Variants in ZNF516 observed in about 807,000 individuals in gnomAD.
ZNF516 encodes the protein zinc finger protein 516.
In ZNF516, 19 loss-of-function variants were observed where a neutral mutation model predicts 79.7. The observed-to-expected ratio is 0.24, with a 90% CI of 0.17 to 0.35. The LOEUF (loss-of-function observed/expected upper bound fraction) is 0.35, where lower values mean the gene tolerates loss of function less well. ZNF516 is among the 10% of genes least tolerant of loss of function. The pLI is 1.00. For synonymous variants in ZNF516, 877 were observed against 739.5 expected (o/e 1.19, Z -3.02); for missense variants, 1,678 against 1,679.5 (o/e 1.00, Z 0.02).
At chr18:76,410,739 G>A (rs1599045696) in intron 3 of ZNF516, among the ~76,000 whole-genome samples, 1 of 152,318 alleles carries the variant, frequency 6.6e-6, no homozygotes, top group African/African-American at 2.4e-5. Flanking sequence ...AGGAGAAAAA[G>A]AGAAATTTTA....
intron 3 of ZNF516, among the ~76,000 whole-genome samples, chr18:76,403,090 TATC>T (rs767542042): frequency 1.1e-4 from 16 of 152,198 alleles, no homozygotes; most frequent in Non-Finnish European, 1.8e-4. Flanking sequence ...TCATTTCCAT[TATC>T]ATCAATGGCT....
At chr18:76,428,750 G>A (rs945533878) in intron 3 of ZNF516, among the ~76,000 whole-genome samples, 1 of 152,258 alleles carries the variant, frequency 6.6e-6, no homozygotes, top group African/African-American at 2.4e-5. Context: ...AAACTCTCAG[G>A]AAGAGGTGAG....
At chr18:76,488,535 AG>A (rs962029837) in intron 1 of ZNF516, among the ~76,000 whole-genome samples, 2 of 59,052 alleles carry the variant, frequency 3.4e-5, no homozygotes, top group African/African-American at 5.2e-5. Context: ...GGGGAGGGGG[AG>A]GGGGAGGGAC....
intron 2 of ZNF516, among the ~76,000 whole-genome samples, chr18:76,448,869 C>T (rs1057280689): frequency 6.6e-6 from 1 of 152,156 alleles, no homozygotes; most frequent in African/African-American, 2.4e-5. Flanking sequence ...GCTGGCAGCG[C>T]ACCAGTAAGA....
chr18:76,427,552 C>A (rs2075611726), intron 3 of ZNF516, among the ~76,000 whole-genome samples: 1 of 152,090 alleles, frequency 6.6e-6, no homozygotes, highest in South Asian at 2.1e-4. Context: ...TGTAATGAAG[C>A]AAACTAGATT....
At chr18:76,405,409 G>A (rs1420239476) in intron 3 of ZNF516, among the ~76,000 whole-genome samples, 1 of 152,150 alleles carries the variant, frequency 6.6e-6, no homozygotes, top group African/African-American at 2.4e-5. Flanking sequence ...AGGACACTCA[G>A]GAAGGGCTCA....
chr18:76,437,706 CTCTAGATTACTTA>C (rs1354164928), intron 3 of ZNF516, among the ~76,000 whole-genome samples: 1 of 152,162 alleles, frequency 6.6e-6, no homozygotes, highest in East Asian at 1.9e-4. Flanking sequence ...TGTAAATCAT[CTCTAGATTACTTA>C]TAATAATGCA....
intron 6 of ZNF516, among the ~76,000 whole-genome samples, chr18:76,368,016 A>G (rs759526752): frequency 1.3e-5 from 2 of 152,212 alleles, no homozygotes; most frequent in African/African-American, 2.4e-5. Context: ...CCACAGGAAA[A>G]GAATCCGATT....
chr18:76,434,277 C>A (rs8094460), intron 3 of ZNF516, among the ~76,000 whole-genome samples: 1 of 152,168 alleles, frequency 6.6e-6, no homozygotes, highest in Admixed American at 6.5e-5. Flanking sequence ...GAGGACCGAG[C>A]GCCACTTCTT....
At position 76,441,859 on chromosome 18, in the gene ZNF516, G is replaced by A. The variant is rs1196661517; in HGVS notation, c.1196C>T (p.Pro399Leu). ...CACCCGCCGTCCGGCCTGCGTGCCA[G>A]GGCACGAGTCGCCGGCCGCCGACGG... ...LRPSAAGDSCPGTQAGRRVAE... is the reference protein window; with the variant it reads ...LRPSAAGDSCLGTQAGRRVAE... The change falls in exon 3 of 7, where the codon CCT (proline) becomes CTT (leucine). Residue 399 changes from proline (P) to leucine (L), a missense_variant. This residue lies in a region of ZNF516 where 1,294 missense variants were observed against 1,248.3 expected (regional missense o/e 1.04). Transcript: ENST00000443185. The A allele has an allele frequency of 1.7e-5, 27 of 1,580,332 alleles. No homozygotes were observed. Among genetic ancestry groups the A allele is most frequent in the Non-Finnish European group, 2.2e-5 (26 of 1,169,922 alleles).
chr18:76,411,914 A>G (rs975605638), intron 3 of ZNF516, among the ~76,000 whole-genome samples: 5 of 152,228 alleles, frequency 3.3e-5, no homozygotes, highest in Admixed American at 2.0e-4. Flanking sequence ...TAGATAAGAA[A>G]ACTAGCAAAG....
chr18:76,423,859 A>ATG (rs1599065175), intron 3 of ZNF516, among the ~76,000 whole-genome samples: 3 of 126,612 alleles, frequency 2.4e-5, no homozygotes, highest in East Asian at 2.5e-4. Flanking sequence ...AGGCTCCCCC[A>ATG]AAACACACAC....
At chr18:76,433,536 C>T (rs1421882002) in intron 3 of ZNF516, among the ~76,000 whole-genome samples, 3 of 152,176 alleles carry the variant, frequency 2.0e-5, no homozygotes, top group African/African-American at 7.2e-5. Context: ...TGCCGTACCG[C>T]GGCTGCACGC....
At chr18:76,416,245 C>T (rs1245253145) in intron 3 of ZNF516, among the ~76,000 whole-genome samples, 3 of 152,198 alleles carry the variant, frequency 2.0e-5, no homozygotes, top group Non-Finnish European at 4.4e-5. Flanking sequence ...AAGAGGCGGC[C>T]GGTTCCCCAG....
At chr18:76,424,569 G>GC (rs1334382267) in intron 3 of ZNF516, among the ~76,000 whole-genome samples, 1 of 116,634 alleles carries the variant, frequency 8.6e-6, no homozygotes, top group African/African-American at 3.4e-5. Flanking sequence ...AGGTGAAAAG[G>GC]TTCCCCCGAA....
At chr18:76,488,593 A>T (rs1370679020) in intron 1 of ZNF516, among the ~76,000 whole-genome samples, 1 of 152,224 alleles carries the variant, frequency 6.6e-6, no homozygotes, top group Non-Finnish European at 1.5e-5. Context: ...GTGTCAGAAT[A>T]GCTTTATCCA....
chr18:76,403,949 C>G (rs1568263751), intron 3 of ZNF516, among the ~76,000 whole-genome samples: 1 of 152,358 alleles, frequency 6.6e-6, no homozygotes, highest in East Asian at 1.9e-4. Flanking sequence ...GACTAAGCAT[C>G]CTGCGGACAA....
chr18:76,496,151 AGGGCGGGCGCGCGG>A (rs1359581972), upstream of ZNF516: 3 of 524,638 alleles, frequency 5.7e-6, no homozygotes, highest in Admixed American at 1.6e-4. Flanking sequence ...GGGGGAGGGG[AGGGCGGGCGCGCGG>A]GGGCGGGGGA....
intron 3 of ZNF516, among the ~76,000 whole-genome samples, chr18:76,421,953 G>GTGTTT (rs886088038): frequency 1.3e-5 from 2 of 152,184 alleles, no homozygotes; most frequent in African/African-American, 4.8e-5. Flanking sequence ...TTTAAGGCAA[G>GTGTTT]TGTTTTGTTT....
Sources: allele counts gnomAD v4.1 joint callset (sites outside exome capture counted in the v4.1 genomes callset), GRCh38; gene constraint gnomAD v4.1.1; regional missense constraint gnomAD v4.1.1; transcripts MANE v1.5; gene names NCBI Gene and HGNC (gene_info 2026-07-23, HGNC 2026-07-21).